ELAVL2: variants seen among roughly 807,000 people sequenced by gnomAD.
ELAVL2 encodes ELAV-like protein 2.
ELAVL2 carries 4 observed loss-of-function variants against 34.6 expected under a neutral mutation model. That is an observed-to-expected ratio of 0.12 (90% CI 0.06 to 0.26). The LOEUF is 0.26. Ranked by LOEUF, ELAVL2 falls within the 10% of genes least tolerant of loss-of-function variation. The pLI is 1.00. For synonymous variants in ELAVL2, 193 were observed against 154.8 expected (o/e 1.25, Z -1.83); for missense variants, 432 against 442.8 (o/e 0.98, Z 0.22).
the ELAVL2 span, among the ~76,000 whole-genome samples, chr9:23,833,798 A>C: frequency 1.9e-4 from 29 of 152,036 alleles, no homozygotes; most frequent in African/African-American, 7.0e-4. Context: ...TAAAGCAAAC[A>C]ATCTTCCTAT....
chr9:23,739,555 C>G (rs2048668651), intron 2 of ELAVL2, among the ~76,000 whole-genome samples: 1 of 151,990 alleles, frequency 6.6e-6, no homozygotes, highest in Admixed American at 6.6e-5. Context: ...ACCCCCACCC[C>G]CACACACACT....
At chr9:23,822,146 G>C (rs2064887473) in intron 1 of ELAVL2, among the ~76,000 whole-genome samples, 1 of 152,174 alleles carries the variant, frequency 6.6e-6, no homozygotes, top group South Asian at 2.1e-4. Flanking sequence ...CGGGGAGTCA[G>C]AGCAGCTAAC....
upstream of ELAVL2, among the ~76,000 whole-genome samples, chr9:23,828,171 CT>C (rs76468576): frequency 0.027 from 4,157 of 152,246 alleles, 213 homozygotes; most frequent in Admixed American, 0.12. Context: ...AACCCCTCCC[CT>C]TGTCCCCAGC....
At chr9:23,737,389 G>C (rs1444727814) in intron 2 of ELAVL2, among the ~76,000 whole-genome samples, 1 of 152,148 alleles carries the variant, frequency 6.6e-6, no homozygotes, top group Non-Finnish European at 1.5e-5. Flanking sequence ...GAAGTCATAC[G>C]AGTTTTAAAT....
chr9:23,839,371 G>A, the ELAVL2 span, among the ~76,000 whole-genome samples: 2 of 152,082 alleles, frequency 1.3e-5, no homozygotes, highest in African/African-American at 4.8e-5. Flanking sequence ...GCGCAGTCCT[G>A]AATAATTTTA....
At chr9:23,819,293 A>C (rs978428768) in intron 1 of ELAVL2, among the ~76,000 whole-genome samples, 1 of 152,196 alleles carries the variant, frequency 6.6e-6, no homozygotes, top group Non-Finnish European at 1.5e-5. Flanking sequence ...TGGGACAGAA[A>C]GGCTTTGTTT....
chr9:23,776,947 A>G (rs1023656126), intron 1 of ELAVL2, among the ~76,000 whole-genome samples: 1 of 152,158 alleles, frequency 6.6e-6, no homozygotes. Flanking sequence ...AGAAAATTTT[A>G]AATTATAAAG....
At chr9:23,757,880 G>A (rs919769016) in intron 2 of ELAVL2, among the ~76,000 whole-genome samples, 1 of 152,070 alleles carries the variant, frequency 6.6e-6, no homozygotes, top group African/African-American at 2.4e-5. Context: ...CACTGACACA[G>A]TCTAAAAGTT....
chr9:23,731,891 T>C (rs551972624), intron 2 of ELAVL2, among the ~76,000 whole-genome samples: 2 of 152,198 alleles, frequency 1.3e-5, no homozygotes, highest in East Asian at 3.9e-4. Context: ...CCTCCCCCCA[T>C]CATCTGAGCC....
intron 3 of ELAVL2, among the ~76,000 whole-genome samples, chr9:23,713,678 G>A (rs558391847): frequency 6.6e-6 from 1 of 152,142 alleles, no homozygotes; most frequent in South Asian, 2.1e-4. Context: ...TAAATACTAA[G>A]TAATGTGAAT....
chr9:23,812,533 C>G (rs146569555), intron 1 of ELAVL2, among the ~76,000 whole-genome samples: 1 of 151,954 alleles, frequency 6.6e-6, no homozygotes, highest in African/African-American at 2.4e-5. Context: ...CCTGAGGTGC[C>G]GCAATGAGAT....
chr9:23,754,152 A>T (rs767402980), intron 2 of ELAVL2, among the ~76,000 whole-genome samples: 8 of 152,100 alleles, frequency 5.3e-5, no homozygotes, highest in Admixed American at 1.3e-4. Context: ...TTTTTTTTAC[A>T]TTTTATTCTA....
intron 1 of ELAVL2, chr9:23,783,600 T>A (rs921973063): frequency 3.6e-5 from 24 of 665,604 alleles, no homozygotes; most frequent in Non-Finnish European, 4.1e-5. Context: ...ATCAACACAT[T>A]TGAAGGACAG....
At chr9:23,775,227 T>A (rs1463395336) in intron 1 of ELAVL2, among the ~76,000 whole-genome samples, 1 of 151,900 alleles carries the variant, frequency 6.6e-6, no homozygotes, top group East Asian at 2.0e-4. Context: ...CATGCCAGTC[T>A]CAAGCTAGAT....
intron 1 of ELAVL2, among the ~76,000 whole-genome samples, chr9:23,820,538 T>G (rs899373523): frequency 6.6e-6 from 1 of 152,232 alleles, no homozygotes; most frequent in African/African-American, 2.4e-5. Flanking sequence ...AATGACCATC[T>G]GGGCAGCTAC....
intron 3 of ELAVL2, among the ~76,000 whole-genome samples, chr9:23,717,539 A>G (rs1338110865): frequency 6.6e-6 from 1 of 152,222 alleles, no homozygotes; most frequent in Non-Finnish European, 1.5e-5. Flanking sequence ...AAAGGTACAC[A>G]TCACGTGAAG....
At chr9:23,793,273 C>T (rs1053767974) in intron 1 of ELAVL2, among the ~76,000 whole-genome samples, 1 of 152,174 alleles carries the variant, frequency 6.6e-6, no homozygotes, top group Admixed American at 6.5e-5. Context: ...GCTTTTACCT[C>T]CACCAAATCA....
intron 3 of ELAVL2, among the ~76,000 whole-genome samples, chr9:23,723,721 G>T (rs144047721): frequency 6.6e-6 from 1 of 152,180 alleles, no homozygotes; most frequent in Non-Finnish European, 1.5e-5. Context: ...TGGTTTGCTT[G>T]AATCTCTTCC....
intron 1 of ELAVL2, among the ~76,000 whole-genome samples, chr9:23,803,874 T>C (rs1350906458): frequency 6.6e-6 from 1 of 152,172 alleles, no homozygotes; most frequent in Non-Finnish European, 1.5e-5. Flanking sequence ...ACTCACGTTT[T>C]CTTCCTCTGG....
Sources: allele counts gnomAD v4.1 joint callset (sites outside exome capture counted in the v4.1 genomes callset), GRCh38; gene constraint gnomAD v4.1.1; transcripts MANE v1.5; gene names NCBI Gene and HGNC (gene_info 2026-07-23, HGNC 2026-07-21).